Variants in ZNG1F observed in about 807,000 individuals in gnomAD.
ZNG1F encodes zinc-regulated GTPase metalloprotein activator 1F.
chr9:41,187,523 G>T, the ZNG1F span, among the ~76,000 whole-genome samples: 1 of 147,160 alleles, frequency 6.8e-6, no homozygotes, highest in Non-Finnish European at 1.5e-5. Flanking sequence ...TCATGTTAAG[G>T]AATTTGAATT....
chr9:41,134,793 A>T, the ZNG1F span, among the ~76,000 whole-genome samples: 1 of 144,412 alleles, frequency 6.9e-6, no homozygotes, highest in Admixed American at 7.2e-5. Context: ...CTATTTTATA[A>T]TCCAAACTCA....
chr9:41,200,758 A>G, the ZNG1F span, among the ~76,000 whole-genome samples: 1 of 152,204 alleles, frequency 6.6e-6, no homozygotes, highest in African/African-American at 2.4e-5. Flanking sequence ...GGCGGAAGGC[A>G]AAAGGCACAT....
the ZNG1F span, among the ~76,000 whole-genome samples, chr9:41,185,628 G>C: frequency 6.6e-6 from 1 of 151,828 alleles, no homozygotes; most frequent in African/African-American, 2.4e-5. Context: ...AGCTGAGATT[G>C]CACCACTGCA....
the ZNG1F span, among the ~76,000 whole-genome samples, chr9:41,193,019 C>T: frequency 4.0e-5 from 6 of 151,490 alleles, no homozygotes; most frequent in African/African-American, 1.4e-4. Flanking sequence ...CTGTGTTAAG[C>T]ACATTAAATG....
the ZNG1F span, chr9:41,196,298 G>A: frequency 1.1e-4 from 4 of 37,472 alleles, 1 homozygote; most frequent in African/African-American, 2.3e-4. Flanking sequence ...GTGTTCACCT[G>A]GCAGAAGGAG....
the ZNG1F span, chr9:41,164,891 G>C: frequency 1.3e-6 from 1 of 767,666 alleles, no homozygotes; most frequent in African/African-American, 1.8e-5. Context: ...TAACGTTCTT[G>C]AAGCAGGTCA....
At chr9:41,132,221 G>C in the ZNG1F span, 1 of 1,600,552 alleles carries the variant, frequency 6.2e-7, no homozygotes, top group Non-Finnish European at 8.5e-7. Context: ...AATCCTTTGA[G>C]ACTTACCAAT....
At chr9:41,180,283 C>CA in the ZNG1F span, among the ~76,000 whole-genome samples, 1 of 130,030 alleles carries the variant, frequency 7.7e-6, no homozygotes, top group Non-Finnish European at 1.6e-5. Flanking sequence ...TCAAGTGATC[C>CA]AAGTAGCTGG....
the ZNG1F span, among the ~76,000 whole-genome samples, chr9:41,141,262 C>T: frequency 6.6e-6 from 1 of 151,288 alleles, no homozygotes; most frequent in East Asian, 2.0e-4. Flanking sequence ...GGTCACAACT[C>T]ATAGTTGGTT....
At chr9:41,184,343 CAGG>C in the ZNG1F span, among the ~76,000 whole-genome samples, 1 of 132,942 alleles carries the variant, frequency 7.5e-6, no homozygotes, top group Non-Finnish European at 1.6e-5. Context: ...GCGGCTGAGG[CAGG>C]AGAATGGCGT....
chr9:41,146,039 G>A, the ZNG1F span: 1 of 139,366 alleles, frequency 7.2e-6, no homozygotes, highest in African/African-American at 2.7e-5. Context: ...AACAGTGAGG[G>A]GTAAATTAGT....
chr9:41,165,046 T>C, the ZNG1F span: 2 of 1,580,356 alleles, frequency 1.3e-6, no homozygotes, highest in Non-Finnish European at 8.6e-7. Context: ...TGGGACCAAG[T>C]CTGTTTTATT....
chr9:41,146,052 C>T, the ZNG1F span: 2 of 141,186 alleles, frequency 1.4e-5, no homozygotes, highest in South Asian at 2.3e-4. Context: ...AAATTAGTAA[C>T]AGCAAGTTTA....
At chr9:41,192,705 C>A in the ZNG1F span, among the ~76,000 whole-genome samples, 2 of 137,176 alleles carry the variant, frequency 1.5e-5, no homozygotes, top group African/African-American at 5.4e-5. Context: ...AACTCCTGAC[C>A]TCCTGATCCA....
the ZNG1F span, chr9:41,133,890 GC>G: frequency 8.9e-7 from 1 of 1,125,550 alleles, no homozygotes; most frequent in Non-Finnish European, 1.2e-6. Flanking sequence ...CAGCATATGT[GC>G]TGTTTTTTTG....
At chr9:41,169,757 C>T in the ZNG1F span, among the ~76,000 whole-genome samples, 1,863 of 147,882 alleles carry the variant, frequency 0.013, 173 homozygotes, top group African/African-American at 0.044. Flanking sequence ...AAAAAAATAG[C>T]AATGTGAGGT....
the ZNG1F span, among the ~76,000 whole-genome samples, chr9:41,173,927 A>G: frequency 1.3e-5 from 2 of 148,864 alleles, no homozygotes; most frequent in African/African-American, 2.5e-5. Context: ...AGATTTTACT[A>G]AAAAACAAAA....
the ZNG1F span, among the ~76,000 whole-genome samples, chr9:41,183,283 C>A: frequency 5.9e-5 from 8 of 136,668 alleles, no homozygotes; most frequent in Non-Finnish European, 9.5e-5. Flanking sequence ...TCAGAATAAT[C>A]ATTTTTTACA....
the ZNG1F span, among the ~76,000 whole-genome samples, chr9:41,154,833 C>G: frequency 6.7e-6 from 1 of 149,924 alleles, no homozygotes; most frequent in Non-Finnish European, 1.5e-5. Flanking sequence ...CCCTTCCTTA[C>G]ACCTTATACA....
Sources: allele counts gnomAD v4.1 joint callset (sites outside exome capture counted in the v4.1 genomes callset), GRCh38; gene constraint gnomAD v4.1.1; transcripts MANE v1.5; gene names NCBI Gene and HGNC (gene_info 2026-07-23, HGNC 2026-07-21).